Variants in ZUP1 observed in about 807,000 individuals in gnomAD.
The protein encoded by ZUP1 is zinc finger containing ubiquitin peptidase 1.
ZUP1 carries 55 observed loss-of-function variants against 68.1 expected under a neutral mutation model. The ratio of observed to expected loss-of-function variants is 0.81; its 90% CI spans 0.65 to 1.01. The LOEUF (loss-of-function observed/expected upper bound fraction) is 1.01. ZUP1 is among the 50% of genes least tolerant of loss of function. The pLI is 0.00. For missense variants in ZUP1, 684 were observed against 674.9 expected, an observed-to-expected ratio of 1.01 and a Z score of -0.15; for synonymous variants, 223 against 221.5, an observed-to-expected ratio of 1.01 and a Z score of -0.06.
intron 2 of ZUP1, among the ~76,000 whole-genome samples, chr6:116,662,920 T>TAGA (rs1776888417): frequency 6.6e-6 from 1 of 152,216 alleles, no homozygotes; most frequent in Non-Finnish European, 1.5e-5. Flanking sequence ...GACACTCCTT[T>TAGA]CATTTACTAA....
chr6:116,656,494 CATAAT>C (rs1229774615), intron 5 of ZUP1, among the ~76,000 whole-genome samples, 185 bp downstream of exon 5: 2 of 152,042 alleles, frequency 1.3e-5, no homozygotes, highest in African/African-American at 4.8e-5. Flanking sequence ...TGTCAAGTAA[CATAAT>C]ATAAAAGTAA....
intron 3 of ZUP1, chr6:116,660,513 G>A: frequency 2.4e-6 from 1 of 419,410 alleles, no homozygotes; most frequent in Non-Finnish European, 4.2e-6. Context: ...AAAATTTTAT[G>A]TGCCATATGG....
chr6:116,657,776 TA>T (rs1776715444), intron 4 of ZUP1, among the ~76,000 whole-genome samples: 2 of 152,120 alleles, frequency 1.3e-5, no homozygotes. Context: ...CTATCATCAC[TA>T]AAAAAAGAAC....
intron 5 of ZUP1, among the ~76,000 whole-genome samples, chr6:116,655,169 T>C (rs1356655903): frequency 6.6e-6 from 1 of 151,974 alleles, no homozygotes; most frequent in Non-Finnish European, 1.5e-5. Flanking sequence ...GTTCATAAAT[T>C]ATAAGAGTAG....
At chr6:116,667,976 A>T (rs1259653647) in intron 1 of ZUP1, among the ~76,000 whole-genome samples, 1 of 152,128 alleles carries the variant, frequency 6.6e-6, no homozygotes, top group East Asian at 1.9e-4. Context: ...TTTGGATTTT[A>T]TGGACAAATA....
intron 7 of ZUP1, among the ~76,000 whole-genome samples, chr6:116,649,911 G>A (rs941798954): frequency 6.6e-6 from 1 of 152,100 alleles, no homozygotes; most frequent in Non-Finnish European, 1.5e-5. Flanking sequence ...AAACAGATAT[G>A]AAAAAATACT....
intron 9 of ZUP1, among the ~76,000 whole-genome samples, chr6:116,643,242 C>T (rs1317782397): frequency 2.0e-5 from 3 of 152,056 alleles, no homozygotes; most frequent in Admixed American, 2.0e-4. Flanking sequence ...GAATCAATAT[C>T]GTGAAAATGG....
At chr6:116,660,555 A>T (rs2114280452) in intron 3 of ZUP1, among the ~76,000 whole-genome samples, 181 bp downstream of exon 3, 1 of 152,396 alleles carries the variant, frequency 6.6e-6, no homozygotes, top group East Asian at 1.9e-4. Context: ...TTCGCTGACC[A>T]AATACAATAT....
In ZUP1 at chr6:116,652,892, T is replaced by C. The variant is rs369990719; in HGVS notation, c.962-700A>G. 1.6e-4 allele frequency among the ~76,000 whole-genome samples: 25 copies of C among 152,276 alleles called. No homozygotes were observed. The East Asian group carries it at 1.9e-3, about 12-fold the overall frequency. On this transcript the variant is annotated intron_variant, in intron 5 of 9. Coordinates refer to ENST00000368576, the MANE Select transcript of ZUP1 (RefSeq NM_145062.3). Reference sequence around the variant, plus strand: ...CTACAGAAAGCTATCCACTGTCTTATCTTTATTTCACACTACTCTTCTTGC... The same window carrying C: ...CTACAGAAAGCTATCCACTGTCTTACCTTTATTTCACACTACTCTTCTTGC...
Position 116,645,789 on chromosome 6 carries a change from T to C in ZUP1, c.1614A>G (p.Lys538=). ...GCTTATGTTTTAAATTTCCCATAGA[T>C]TTCCGAAGTTGCTTGAGACTGCTAG... ...IEASSLKQLR[K]SMGNLKHKQY... The change falls in exon 9 of 10, where the codon AAA becomes AAG. Residue 538 remains lysine (K), a synonymous_variant. Coordinates refer to ENST00000368576, the MANE Select transcript of ZUP1 (RefSeq NM_145062.3). The C allele has an allele frequency of 1.2e-6, 2 of 1,613,954 alleles. No individual in the cohort carries two copies. Among genetic ancestry groups the C allele is most frequent in the Non-Finnish European group, 1.7e-6 (2 of 1,179,938 alleles).
At chr6:116,638,168 T>C (rs1490455000) in intron 9 of ZUP1, among the ~76,000 whole-genome samples, 1 of 152,070 alleles carries the variant, frequency 6.6e-6, no homozygotes, top group Non-Finnish European at 1.5e-5. Flanking sequence ...CTTTCCCCCA[T>C]GATCCCATTA....
Position 116,652,185 on chromosome 6 carries a change from A to G in ZUP1, c.969T>C (p.Ile323=). The part of the protein sequence containing the change: ...DDGKTKTSGI[I]EALHRYYQNA... Reference sequence around the variant, plus strand: ...TCTGATAATACCTATGAAGTGCTTCAATAATTCCTAAAGTAGAAAAGAGAT... The same window carrying G: ...TCTGATAATACCTATGAAGTGCTTCGATAATTCCTAAAGTAGAAAAGAGAT... The change falls in exon 6 of 10, where the codon ATT becomes ATC. Residue 323 remains isoleucine, a synonymous_variant. Transcript: ENST00000368576. 6.2e-7 allele frequency: 1 copy of G among 1,610,440 alleles called. No homozygotes were observed. Among genetic ancestry groups the G allele is most frequent in the African/African-American group, 1.3e-5 (1 of 74,830 alleles).
At position 116,652,041 on chromosome 6, in the gene ZUP1, T is replaced by C. The variant is rs770777612; in HGVS notation, c.1113A>G (p.Ser371=). 1.9e-6 allele frequency: 3 copies of C among 1,613,964 alleles called. No homozygotes were observed. Among genetic ancestry groups the C allele is most frequent in the Non-Finnish European group, 2.5e-6 (3 of 1,179,870 alleles). Residue 371 remains serine (S), a synonymous_variant, in exon 6 of 10, where the codon TCA becomes TCG. Transcript: ENST00000368576. ...CGTTGTAAGCATCATTTTGTAATAA[T>C]GATGAAAGTAGCATTTGGAAATTTC... ...GYRNFQMLLS[S]LLQNDAYNDC...
At chr6:116,660,327 T>C (rs1294389718) in intron 3 of ZUP1, 1 of 153,778 alleles carries the variant, frequency 6.5e-6, no homozygotes, top group Non-Finnish European at 1.4e-5. Flanking sequence ...ATATAGGATT[T>C]TTCCACTTCT....
intron 2 of ZUP1, 82 bp from the exon 3 acceptor site, chr6:116,660,928 C>A: frequency 2.6e-6 from 2 of 754,912 alleles, no homozygotes; most frequent in Non-Finnish European, 2.1e-6. Context: ...GAGACAGGGT[C>A]TCACTCTGTT....
At chr6:116,654,656 T>A (rs1486497303) in intron 5 of ZUP1, among the ~76,000 whole-genome samples, 1 of 151,994 alleles carries the variant, frequency 6.6e-6, no homozygotes, top group Non-Finnish European at 1.5e-5. Flanking sequence ...CTGAAAAAGA[T>A]ATTTGGATTT....
At position 116,644,385 on chromosome 6, in the gene ZUP1, C is replaced by A. The variant is rs562674862; in HGVS notation, c.1689+1329G>T. 7.3e-3 allele frequency among the ~76,000 whole-genome samples: 1,111 copies of A among 152,292 alleles called. 18 individuals are homozygous for A. Among genetic ancestry groups the A allele is most frequent in the African/African-American group, 0.024 (984 of 41,542 alleles). ...AATCATGCTGCTATAAAGACACATG[C>A]ACACGTATGTTTATTGCTGCACTAT... On this transcript the variant is annotated intron_variant, in intron 9 of 9. Coordinates refer to ENST00000368576, the MANE Select transcript of ZUP1 (RefSeq NM_145062.3).
intron 9 of ZUP1, among the ~76,000 whole-genome samples, chr6:116,643,959 C>T (rs1776205239): frequency 6.6e-6 from 1 of 152,106 alleles, no homozygotes. Flanking sequence ...GGCTAATATC[C>T]AGAATCTACA....
intron 9 of ZUP1, among the ~76,000 whole-genome samples, chr6:116,636,471 T>A (rs1056943093): frequency 3.3e-5 from 5 of 152,172 alleles, no homozygotes; most frequent in African/African-American, 1.2e-4. Context: ...ATTGCATAAA[T>A]CTGTATTTAC....
Sources: allele counts gnomAD v4.1 joint callset (sites outside exome capture counted in the v4.1 genomes callset), GRCh38; gene constraint gnomAD v4.1.1; transcripts MANE v1.5; gene names NCBI Gene and HGNC (gene_info 2026-07-23, HGNC 2026-07-21).